The following WDFY2 variants were observed in gnomAD, a reference collection of about 807,000 sequenced individuals.
WDFY2 encodes WD repeat and FYVE domain containing 2.
A neutral mutation model predicts 56.4 loss-of-function variants in WDFY2; 36 were observed. The observed-to-expected ratio is 0.64, with a 90% CI of 0.49 to 0.84. The LOEUF is 0.84. Among genes scored for constraint, WDFY2 ranks in the 40% least tolerant of loss-of-function variants. The pLI is 0.00. For synonymous variants in WDFY2, 176 were observed against 183.7 expected, an observed-to-expected ratio of 0.96 and a Z score of 0.34; for missense variants, 444 against 512.2, an observed-to-expected ratio of 0.87 and a Z score of 1.29.
At chr13:51,707,977 C>A (rs1422695213) in intron 4 of WDFY2, among the ~76,000 whole-genome samples, 1 of 64,898 alleles carries the variant, frequency 1.5e-5, no homozygotes. Flanking sequence ...TTTTTGGAGA[C>A]TGAGTCTTGC....
chr13:51,724,836 G>A (rs964203755), intron 5 of WDFY2, among the ~76,000 whole-genome samples: 4 of 152,178 alleles, frequency 2.6e-5, no homozygotes, highest in Non-Finnish European at 4.4e-5. Context: ...TAGTTTCACT[G>A]CTCTAAATAG....
intron 3 of WDFY2, among the ~76,000 whole-genome samples, chr13:51,680,647 A>G (rs1343915140): frequency 6.6e-6 from 1 of 152,224 alleles, no homozygotes; most frequent in Admixed American, 6.5e-5. Flanking sequence ...TCAATGTGAG[A>G]CATGATGTCT....
chr13:51,688,627 C>T (rs1956100405), intron 3 of WDFY2, among the ~76,000 whole-genome samples: 1 of 152,138 alleles, frequency 6.6e-6, no homozygotes, highest in Non-Finnish European at 1.5e-5. Context: ...AACTCTAAAA[C>T]TCCACAAAAT....
chr13:51,745,844 C>T (rs1446810488), intron 7 of WDFY2, among the ~76,000 whole-genome samples: 1 of 150,630 alleles, frequency 6.6e-6, no homozygotes, highest in Admixed American at 6.6e-5. Context: ...ATAGGCCACT[C>T]GGATTTGTTT....
chr13:51,720,618 G>A (rs1489962705), intron 5 of WDFY2, among the ~76,000 whole-genome samples: 1 of 152,212 alleles, frequency 6.6e-6, no homozygotes, highest in East Asian at 1.9e-4. Flanking sequence ...TCAACCCTCT[G>A]TCTTTATCCA....
chr13:51,728,880 C>A (rs1032126097), intron 6 of WDFY2, among the ~76,000 whole-genome samples: 2 of 152,168 alleles, frequency 1.3e-5, no homozygotes, highest in African/African-American at 4.8e-5. Context: ...TGGGGGGGAC[C>A]CAGAACTGTC....
chr13:51,686,547 C>T (rs1956065456), intron 3 of WDFY2, among the ~76,000 whole-genome samples: 1 of 151,894 alleles, frequency 6.6e-6, no homozygotes, highest in African/African-American at 2.4e-5. Context: ...CCATTTTTGA[C>T]AAAAAAGATT....
chr13:51,713,104 A>G (rs907549157), intron 4 of WDFY2, among the ~76,000 whole-genome samples: 3 of 152,306 alleles, frequency 2.0e-5, no homozygotes, highest in African/African-American at 4.8e-5. Flanking sequence ...GCAGAAGTGA[A>G]AGACTTTCCA....
At chr13:51,698,811 T>TA (rs962865143) in intron 3 of WDFY2, among the ~76,000 whole-genome samples, 2 of 151,848 alleles carry the variant, frequency 1.3e-5, no homozygotes, top group African/African-American at 4.8e-5. Flanking sequence ...GTTTGTTAAG[T>TA]AAAAAAAATA....
intron 1 of WDFY2, among the ~76,000 whole-genome samples, chr13:51,596,307 A>G (rs1954146508): frequency 6.6e-6 from 1 of 152,202 alleles, no homozygotes; most frequent in Admixed American, 6.5e-5. Context: ...CTGAATTGGC[A>G]TGCTGTTTGA....
intron 5 of WDFY2, among the ~76,000 whole-genome samples, chr13:51,721,718 C>T (rs867969354): frequency 6.6e-6 from 1 of 152,150 alleles, no homozygotes; most frequent in South Asian, 2.1e-4. Context: ...ATTCCCTGAC[C>T]TCTGCCAGCT....
Position 51,680,267 on chromosome 13 carries a change from A to C in WDFY2, c.279+5024A>C, listed in dbSNP as rs1031909619. Among the ~76,000 whole-genome samples the C allele has an allele frequency of 2.6e-5, 4 of 152,014 alleles. 1 individual carries two copies. The highest frequency in any genetic ancestry group is 1.9e-4 in the East Asian group (1 of 5,158). ...CAGATGTGCACCACCATACCTGGCT[A>C]ATGTTTTGGCTTTTTTCGTAGATGG... On this transcript the variant is annotated intron_variant, in intron 3 of 11. Coordinates refer to ENST00000298125, the MANE Select transcript of WDFY2 (RefSeq NM_052950.4).
chr13:51,610,284 T>A (rs940451284), intron 1 of WDFY2, among the ~76,000 whole-genome samples: 2 of 151,814 alleles, frequency 1.3e-5, no homozygotes, highest in Non-Finnish European at 2.9e-5. Context: ...ATCTATCCCT[T>A]TTCGTTGATG....
intron 6 of WDFY2, among the ~76,000 whole-genome samples, chr13:51,730,584 A>G (rs1172041032): frequency 6.6e-6 from 1 of 152,188 alleles, no homozygotes; most frequent in African/African-American, 2.4e-5. Context: ...GCACAGTTCT[A>G]GTGCATCGTG....
intron 8 of WDFY2, chr13:51,752,861 A>C (rs1953267694): frequency 6.6e-6 from 1 of 152,160 alleles, no homozygotes; most frequent in South Asian, 2.1e-4. Flanking sequence ...TTTTCATCTT[A>C]GCCTCTGTGG....
intron 7 of WDFY2, among the ~76,000 whole-genome samples, chr13:51,739,832 A>G (rs1952927885): frequency 6.6e-6 from 1 of 151,628 alleles, no homozygotes; most frequent in Admixed American, 6.6e-5. Context: ...TGCTTTGACA[A>G]GCTTCCCAGG....
chr13:51,746,711 AAC>A (rs140974193), intron 7 of WDFY2, among the ~76,000 whole-genome samples: 6,951 of 152,342 alleles, frequency 0.046, 221 homozygotes, highest in Middle Eastern at 0.082. Flanking sequence ...AACTTATAAT[AAC>A]AGAGTTTACG....
At chr13:51,738,423 T>C (rs1263192602) in intron 6 of WDFY2, among the ~76,000 whole-genome samples, 3 of 152,210 alleles carry the variant, frequency 2.0e-5, no homozygotes, top group Admixed American at 2.0e-4. Context: ...CACAACCGTA[T>C]GAAGTAGGTA....
chr13:51,680,201 A>G (rs1187736988), intron 3 of WDFY2, among the ~76,000 whole-genome samples: 1 of 152,204 alleles, frequency 6.6e-6, no homozygotes, highest in Non-Finnish European at 1.5e-5. Context: ...ACCTGGGCTC[A>G]AGTGATCCGC....
Sources: allele counts gnomAD v4.1 joint callset (sites outside exome capture counted in the v4.1 genomes callset), GRCh38; gene constraint gnomAD v4.1.1; transcripts MANE v1.5; gene names NCBI Gene and HGNC (gene_info 2026-07-23, HGNC 2026-07-21).